Variants in SSU72 observed in about 807,000 individuals in gnomAD.
The protein encoded by SSU72 is SSU72 homolog, RNA polymerase II CTD phosphatase, also known as RNA polymerase II subunit A C-terminal domain phosphatase SSU72.
In SSU72, 12 loss-of-function variants were observed where a neutral mutation model predicts 22.7. That is an observed-to-expected ratio of 0.53 (90% CI 0.34 to 0.86). The LOEUF (loss-of-function observed/expected upper bound fraction) is 0.86, where lower values mean the gene tolerates loss of function less well. Among genes scored for constraint, SSU72 ranks in the 40% least tolerant of loss-of-function variants. The pLI is 0.02. For missense variants in SSU72, 151 were observed against 249.8 expected (o/e 0.60, Z 2.67); for synonymous variants, 116 against 98.3 (o/e 1.18, Z -1.06).
chr1:1,574,714 C>A lies in SSU72; in HGVS notation c.-157G>T. 1.6e-6 allele frequency: 1 copy of A among 614,728 alleles called. No homozygotes were observed. The highest frequency in any genetic ancestry group is 2.4e-6 in the Non-Finnish European group (1 of 410,168). The allele number at this position is 614,728 out of a possible 1,614,324, so 38.1% of individuals were successfully genotyped here. ...TGCGGCGACTGCGCGGCGGCCTCCC[C>A]GCCCACCCTGGGCGCCGGGCCGCGG... is the stretch of plus-strand genomic sequence containing the variant. On this transcript the variant is annotated 5_prime_UTR_variant, in exon 1 of 5. Transcript: ENST00000291386.
Position 1,570,045 on chromosome 1 carries a change from G to C in SSU72, c.80+4433C>G, listed in dbSNP as rs114733687. 3.0e-3 allele frequency among the ~76,000 whole-genome samples: 456 copies of C among 152,150 alleles called. 2 individuals carry two copies. Among genetic ancestry groups the C allele is most frequent in the South Asian group, 7.7e-3 (37 of 4,814 alleles). On this transcript the variant is annotated intron_variant, in intron 1 of 4. Coordinates refer to ENST00000291386, the MANE Select transcript of SSU72 (RefSeq NM_014188.3). ...TTTCACAAGCTTTCCCAGTGTAACA[G>C]AAAAGCACTATCACACAGAGTTTCT...
chr1:1,571,757 C>G (rs1451797565), intron 1 of SSU72, among the ~76,000 whole-genome samples: 1 of 151,546 alleles, frequency 6.6e-6, no homozygotes, highest in Admixed American at 6.6e-5. Flanking sequence ...TTTAAAGTAG[C>G]CGCTAAACCT....
chr1:1,544,047 A>G (rs1642359711), intron 3 of SSU72, 60 bp from the exon 4 acceptor site: 28 of 1,355,214 alleles, frequency 2.1e-5, no homozygotes, highest in East Asian at 1.6e-4. Context: ...CAGGCAGTCA[A>G]TGTGGCTGAG....
chr1:1,570,874 G>A (rs1347258754), intron 1 of SSU72, among the ~76,000 whole-genome samples: 1 of 152,106 alleles, frequency 6.6e-6, no homozygotes, highest in Non-Finnish European at 1.5e-5. Flanking sequence ...CACTTTGGGA[G>A]GCCAAGGCGG....
intron 2 of SSU72, among the ~76,000 whole-genome samples, chr1:1,556,162 G>A (rs962083923): frequency 6.6e-6 from 1 of 152,206 alleles, no homozygotes; most frequent in Non-Finnish European, 1.5e-5. Context: ...GCCAGGCACG[G>A]TGGCTCACGC....
chr1:1,564,620 C>T (rs771774687), intron 2 of SSU72, 153 bp downstream of exon 2: 13 of 1,613,466 alleles, frequency 8.1e-6, no homozygotes, highest in South Asian at 5.5e-5. Flanking sequence ...GACGATCCGA[C>T]GTGCACCAGG....
At position 1,543,856 on chromosome 1, in the gene SSU72, G is replaced by A. The variant is rs754120729; in HGVS notation, c.483+13C>T. The stretch of plus-strand genomic sequence containing the variant: ...CAACCTCTGCCCAGCGCGGCGCCCA[G>A]CCGGGTACTTACACACTGGCAGAGC... On this transcript the variant is annotated intron_variant, in intron 4 of 4. Transcript: ENST00000291386. 18 of 1,604,702 alleles carry A rather than the reference G, an allele frequency of 1.1e-5. No homozygotes were observed. Among genetic ancestry groups the A allele is most frequent in the Middle Eastern group, 1.7e-4 (1 of 5,716 alleles).
At chr1:1,560,007 G>C (rs1453000288) in intron 2 of SSU72, among the ~76,000 whole-genome samples, 1 of 152,150 alleles carries the variant, frequency 6.6e-6, no homozygotes, top group Non-Finnish European at 1.5e-5. Flanking sequence ...TTACAGGCAT[G>C]TGCCACCATG....
chr1:1,570,070 T>C (rs752286173), intron 1 of SSU72, among the ~76,000 whole-genome samples: 9 of 152,100 alleles, frequency 5.9e-5, no homozygotes, highest in Non-Finnish European at 1.2e-4. Context: ...ACAGAGTTTC[T>C]GAGTATTAAA....
intron 1 of SSU72, among the ~76,000 whole-genome samples, chr1:1,571,106 G>A (rs1032695787): frequency 2.0e-5 from 3 of 152,114 alleles, no homozygotes; most frequent in Non-Finnish European, 2.9e-5. Context: ...TTAGCCGGGC[G>A]TGGTAGCGGG....
intron 2 of SSU72, among the ~76,000 whole-genome samples, chr1:1,559,092 A>G (rs559290684): frequency 6.6e-6 from 1 of 152,252 alleles, no homozygotes; most frequent in African/African-American, 2.4e-5. Context: ...CCCAGCGCAA[A>G]GCTGCTCTAC....
rs925829099 is a variant in SSU72, at chr1:1,554,605, T to C, written c.225-9603A>G. ...GAGTTAGAATGAGCGCAGCTGCCCA[T>C]CCCACAGGAGAACCGAGAGGCCAGG... On this transcript the variant is annotated intron_variant, in intron 2 of 4. Coordinates refer to ENST00000291386, the MANE Select transcript of SSU72 (RefSeq NM_014188.3). This position sits in a 1 kb window ranked among gnomAD's most constrained non-coding sequence, Gnocchi z 4.1. Among the ~76,000 whole-genome samples, 1 of 151,962 alleles carries C rather than the reference T, an allele frequency of 6.6e-6. No homozygotes were observed. Among genetic ancestry groups the C allele is most frequent in the Non-Finnish European group, 1.5e-5 (1 of 68,002 alleles).
intron 2 of SSU72, among the ~76,000 whole-genome samples, chr1:1,558,221 G>A (rs1455499983): frequency 1.4e-5 from 1 of 73,968 alleles, no homozygotes; most frequent in South Asian, 6.2e-4. Context: ...AAAAAAAAAA[G>A]CTGGGCATGG....
At chr1:1,545,157 C>T in intron 2 of SSU72, 155 bp from the exon 3 acceptor site, 4 of 835,646 alleles carry the variant, frequency 4.8e-6, no homozygotes. Flanking sequence ...CCTGGTGAGG[C>T]AGGGGCCTCA....
chr1:1,555,144 C>A (rs1192207606), intron 2 of SSU72, among the ~76,000 whole-genome samples: 1 of 152,182 alleles, frequency 6.6e-6, no homozygotes, highest in African/African-American at 2.4e-5. Context: ...AGCCTGACAG[C>A]CATGCCCCTG....
intron 2 of SSU72, chr1:1,545,342 T>C (rs1288370445): frequency 3.5e-6 from 1 of 289,776 alleles, no homozygotes; most frequent in Non-Finnish European, 6.6e-6. Flanking sequence ...AAGCTGCCCT[T>C]GGCCTCAGTC....
At position 1,550,861 on chromosome 1, in the gene SSU72, C is replaced by T. The variant is rs141959531; in HGVS notation, c.225-5859G>A. 7.9e-4 allele frequency among the ~76,000 whole-genome samples: 121 copies of T among 152,326 alleles called. No individual in the cohort carries two copies. In the Middle Eastern group the frequency reaches 0.024, roughly 30 times the overall value. Reference sequence around the variant, plus strand: ...CCACTGAACCATCACCCACCACACGCCCCTCCCTCCCTGCTGGGCCTGGGA... The same window carrying T: ...CCACTGAACCATCACCCACCACACGTCCCTCCCTCCCTGCTGGGCCTGGGA... On this transcript the variant is annotated intron_variant, in intron 2 of 4. Coordinates refer to ENST00000291386, the MANE Select transcript of SSU72 (RefSeq NM_014188.3).
intron 2 of SSU72, among the ~76,000 whole-genome samples, chr1:1,558,197 T>G: frequency 8.2e-6 from 1 of 121,298 alleles, no homozygotes. Flanking sequence ...TGAGACTCTG[T>G]CTCAATTAAA....
At chr1:1,553,431 G>A (rs1642477643) in intron 2 of SSU72, among the ~76,000 whole-genome samples, 1 of 152,054 alleles carries the variant, frequency 6.6e-6, no homozygotes, top group Non-Finnish European at 1.5e-5. Context: ...AGGAAATCGA[G>A]ATCATCCTTG....
Sources: allele counts gnomAD v4.1 joint callset (sites outside exome capture counted in the v4.1 genomes callset), GRCh38; gene constraint gnomAD v4.1.1; non-coding constraint Gnocchi (gnomAD v3.1); transcripts MANE v1.5; gene names NCBI Gene and HGNC (gene_info 2026-07-23, HGNC 2026-07-21).